The following GRIN2B variants were observed in gnomAD, a reference collection of about 807,000 sequenced individuals.
The protein encoded by GRIN2B is glutamate ionotropic receptor NMDA type subunit 2B, also known as glutamate receptor ionotropic, NMDA 2B.
In GRIN2B, 5 loss-of-function variants were observed where a neutral mutation model predicts 114.5. The observed-to-expected ratio is 0.04, with a 90% CI of 0.02 to 0.09. The LOEUF (loss-of-function observed/expected upper bound fraction) is 0.09. GRIN2B is among the 10% of genes least tolerant of loss of function. The pLI, the probability that GRIN2B is intolerant of heterozygous loss-of-function variation, is 1.00. For synonymous variants in GRIN2B, 787 were observed against 745.1 expected (o/e 1.06, Z -0.92); for missense variants, 1,108 against 1,943.5 (o/e 0.57, Z 8.08).
chr12:13,713,009 A>G (rs1213366102), intron 4 of GRIN2B, among the ~76,000 whole-genome samples: 2 of 151,902 alleles, frequency 1.3e-5, no homozygotes, highest in Non-Finnish European at 2.9e-5. Context: ...AATCCAAGAT[A>G]GATAGCATTT....
chr12:13,591,248 G>GCT (rs1338059303), intron 10 of GRIN2B, among the ~76,000 whole-genome samples: 3 of 152,166 alleles, frequency 2.0e-5, no homozygotes, highest in African/African-American at 7.2e-5. Flanking sequence ...TGAGTGGTGG[G>GCT]CTCTTGGGTG....
intron 10 of GRIN2B, among the ~76,000 whole-genome samples, chr12:13,600,148 A>C (rs569322317): frequency 6.6e-6 from 1 of 152,258 alleles, no homozygotes; most frequent in African/African-American, 2.4e-5. Flanking sequence ...CTTTCTAAGA[A>C]GGGTAATACA....
At chr12:13,633,792 G>A (rs187065273) in intron 5 of GRIN2B, among the ~76,000 whole-genome samples, 188 of 152,194 alleles carry the variant, frequency 1.2e-3, no homozygotes, top group Non-Finnish European at 2.1e-3. Context: ...TATTTGACTT[G>A]CAGATGTATT....
chr12:13,888,257 T>C (rs184198702), intron 2 of GRIN2B, among the ~76,000 whole-genome samples: 12 of 152,232 alleles, frequency 7.9e-5, no homozygotes, highest in East Asian at 7.7e-4. Context: ...ACAAGCCAAG[T>C]TGGTATAGCT....
At position 13,850,828 on chromosome 12, in the gene GRIN2B, G is replaced by C. The variant is rs548873684; in HGVS notation, c.411+14970C>G. 3.9e-5 allele frequency among the ~76,000 whole-genome samples: 6 copies of C among 152,302 alleles called. No individual in the cohort carries two copies. In the East Asian group the frequency reaches 1.2e-3, roughly 29 times the overall value. On this transcript the variant is annotated intron_variant, in intron 3 of 13. Transcript: ENST00000609686. ...AATCCATGGACTTCACTGTCATTTA[G>C]ATAAGTGTTCTAGTTTCCACACTGC... is the stretch of plus-strand genomic sequence containing the variant.
chr12:13,753,310 C>T lies in GRIN2B; in HGVS notation c.1010+7G>A. On this transcript the variant is annotated splice_region_variant and intron_variant, in intron 4 of 13. Coordinates refer to ENST00000609686, the MANE Select transcript of GRIN2B (RefSeq NM_000834.5). The surrounding 1 kb of genome is among the most constrained non-coding windows in gnomAD (Gnocchi z 6.2). The stretch of plus-strand genomic sequence containing the variant: ...CACCATCAATGTGCCCTCTGTTCCA[C>T]ACTCACCTATTTAGCATATTGGACT... 6.8e-7 allele frequency: 1 copy of T among 1,468,968 alleles called. No homozygotes were observed. The highest frequency in any genetic ancestry group is 9.5e-7 in the Non-Finnish European group (1 of 1,047,578). 91.0% of individuals were successfully genotyped at this position (1,468,968 alleles called of 1,614,324 possible). A position where few individuals can be genotyped will look rare whatever the true frequency, so the allele number is the denominator to read the frequency against.
At chr12:13,962,045 A>T (rs1350663109) in intron 2 of GRIN2B, among the ~76,000 whole-genome samples, 1 of 150,514 alleles carries the variant, frequency 6.6e-6, no homozygotes, top group African/African-American at 2.4e-5. Context: ...CCTGTGAAGA[A>T]ATGGTTTTTC....
intron 4 of GRIN2B, among the ~76,000 whole-genome samples, chr12:13,679,074 G>A (rs1474715008): frequency 1.3e-5 from 2 of 151,902 alleles, no homozygotes; most frequent in African/African-American, 4.8e-5. Flanking sequence ...GGAAGAGAGA[G>A]ATGGAGGAGA....
At position 13,866,214 on chromosome 12, in the gene GRIN2B, A is replaced by G. The variant is rs779341730; in HGVS notation, c.-6T>C. On this transcript the variant is annotated 5_prime_UTR_variant, in exon 3 of 14. Transcript: ENST00000609686. Reference sequence around the variant, plus strand: ...CACTCCGCTCTGGGCTTCATCTTCAACTCGTCGACTCCCTGCAAACACAAA... The same window carrying G: ...CACTCCGCTCTGGGCTTCATCTTCAGCTCGTCGACTCCCTGCAAACACAAA... 1.9e-6 allele frequency: 3 copies of G among 1,605,382 alleles called. No individual in the cohort carries two copies. Among genetic ancestry groups the G allele is most frequent in the East Asian group, 2.2e-5 (1 of 44,814 alleles).
At chr12:13,787,465 G>C (rs1050326262) in intron 3 of GRIN2B, among the ~76,000 whole-genome samples, 2 of 152,148 alleles carry the variant, frequency 1.3e-5, no homozygotes, top group African/African-American at 4.8e-5. Context: ...TTAACCCCCA[G>C]CGCCTCTCCC....
chr12:13,870,265 A>G (rs760617975), intron 2 of GRIN2B, among the ~76,000 whole-genome samples: 5 of 152,190 alleles, frequency 3.3e-5, no homozygotes, highest in Non-Finnish European at 7.3e-5. Flanking sequence ...AGTATTGGGA[A>G]TCAGTGGAGC....
At chr12:13,719,386 G>T (rs1406785941) in intron 4 of GRIN2B, among the ~76,000 whole-genome samples, 11 of 151,192 alleles carry the variant, frequency 7.3e-5, no homozygotes, top group Admixed American at 7.3e-4. Context: ...ATCATCCCTT[G>T]TACTCTGTTG....
chr12:13,618,522 T>C (rs1325945914), intron 5 of GRIN2B, among the ~76,000 whole-genome samples: 1 of 152,172 alleles, frequency 6.6e-6, no homozygotes, highest in East Asian at 1.9e-4. Context: ...CTGACATTAT[T>C]GCAGGAAATT....
intron 10 of GRIN2B, among the ~76,000 whole-genome samples, chr12:13,600,656 G>A (rs1472213344): frequency 6.6e-6 from 1 of 152,184 alleles, no homozygotes; most frequent in East Asian, 1.9e-4. Flanking sequence ...ACATGGCACA[G>A]TCTAGAATAT....
intron 5 of GRIN2B, among the ~76,000 whole-genome samples, chr12:13,638,557 T>C (rs917936795): frequency 1.3e-5 from 2 of 152,064 alleles, no homozygotes; most frequent in African/African-American, 4.8e-5. Context: ...TGGGCTTCAG[T>C]TTTCCATCTG....
At chr12:13,591,979 T>C (rs2136441929) in intron 10 of GRIN2B, among the ~76,000 whole-genome samples, 1 of 152,330 alleles carries the variant, frequency 6.6e-6, no homozygotes, top group South Asian at 2.1e-4. Flanking sequence ...GCTTATGTTC[T>C]TGGAACATTT....
chr12:13,918,677 T>G (rs1306925735), intron 2 of GRIN2B, among the ~76,000 whole-genome samples: 1 of 152,194 alleles, frequency 6.6e-6, no homozygotes, highest in African/African-American at 2.4e-5. Flanking sequence ...AAAGAAAATG[T>G]ATTAAAGGGA....
chr12:13,688,504 G>A (rs1315996077), intron 4 of GRIN2B, among the ~76,000 whole-genome samples: 1 of 152,046 alleles, frequency 6.6e-6, no homozygotes, highest in Non-Finnish European at 1.5e-5. Context: ...TATTTCACAA[G>A]CACTAACCCA....
intron 2 of GRIN2B, among the ~76,000 whole-genome samples, chr12:13,962,726 G>A (rs922868411): frequency 2.6e-5 from 4 of 152,188 alleles, no homozygotes; most frequent in African/African-American, 7.2e-5. Context: ...AGGCGGGCGG[G>A]CGGGCTGACC....
Sources: gnomAD v4.1 joint callset for allele counts (sites outside exome capture counted in the v4.1 genomes callset) on GRCh38, gnomAD v4.1.1 for gene constraint, Gnocchi (gnomAD v3.1) non-coding constraint, MANE v1.5 for transcripts, NCBI Gene and HGNC (gene_info 2026-07-23, HGNC 2026-07-21) for gene names.